CNST: variants seen among roughly 807,000 people sequenced by gnomAD.
The protein encoded by CNST is consortin.
CNST carries 39 observed loss-of-function variants against 72.4 expected under a neutral mutation model. The ratio of observed to expected loss-of-function variants is 0.54; its 90% CI spans 0.42 to 0.70. CNST has a LOEUF of 0.70. Among genes scored for constraint, CNST ranks in the 30% least tolerant of loss-of-function variants. The pLI, the probability that CNST is intolerant of heterozygous loss-of-function variation, is 0.00. For missense variants in CNST, 871 were observed against 868.5 expected, an observed-to-expected ratio of 1.00 and a Z score of -0.04; for synonymous variants, 332 against 320.1, an observed-to-expected ratio of 1.04 and a Z score of -0.40.
At chr1:246,613,168 A>G (rs1487550558) in intron 2 of CNST, among the ~76,000 whole-genome samples, 8 of 152,232 alleles carry the variant, frequency 5.3e-5, no homozygotes, top group African/African-American at 1.9e-4. Flanking sequence ...GAGATAAAGT[A>G]CATCCCAGGA....
At position 246,647,196 on chromosome 1, in the gene CNST, C is replaced by G; in HGVS notation, c.995C>G (p.Pro332Arg). ...SSKESQHTVE[P>R]LGSSPCCHQM... is the part of the protein sequence containing the mutation. ...AAAGAAAGCCAACATACAGTGGAGC[C>G]CCTGGGGAGCAGTCCCTGCTGTCAT... The change falls in exon 9 of 11, where the codon CCC becomes CGC. Residue 332 changes from proline (P) to arginine (R), a missense_variant. Coordinates refer to ENST00000366513, the MANE Select transcript of CNST (RefSeq NM_152609.3). 6.2e-7 allele frequency: 1 copy of G among 1,614,084 alleles called. No homozygotes were observed. Among genetic ancestry groups the G allele is most frequent in the African/African-American group, 1.3e-5 (1 of 75,042 alleles).
chr1:246,578,516 A>G (rs1337831810), intron 1 of CNST, among the ~76,000 whole-genome samples: 2 of 151,840 alleles, frequency 1.3e-5, no homozygotes, highest in Non-Finnish European at 2.9e-5. Flanking sequence ...CTAAACATAC[A>G]AAAAATTAGC....
At chr1:246,588,400 T>C (rs1050092446) in intron 1 of CNST, among the ~76,000 whole-genome samples, 1 of 152,210 alleles carries the variant, frequency 6.6e-6, no homozygotes, top group Non-Finnish European at 1.5e-5. Context: ...ATCTATTTCC[T>C]TCCACAAGTA....
intron 9 of CNST, among the ~76,000 whole-genome samples, chr1:246,657,280 G>C (rs1004309397): frequency 6.6e-6 from 1 of 152,058 alleles, no homozygotes; most frequent in Non-Finnish European, 1.5e-5. Context: ...CATCTCTTAT[G>C]CATAAGCTTG....
Position 246,634,570 on chromosome 1 carries a change from T to G in CNST, c.801T>G (p.Ile267Met). 6.3e-7 allele frequency: 1 copy of G among 1,598,590 alleles called. No individual in the cohort carries two copies. Among genetic ancestry groups the G allele is most frequent in the Non-Finnish European group, 8.5e-7 (1 of 1,171,016 alleles). ...NGEDFERLTKICATHQDPLLS... is the reference protein window; with the variant it reads ...NGEDFERLTKMCATHQDPLLS... ...AAGATTTTGAACGGCTTACGAAAAT[T>G]TGTGCAACACATCAAGAGTAAGTAT... is the stretch of plus-strand genomic sequence containing the variant. Residue 267 changes from isoleucine to methionine, a missense_variant, in exon 6 of 11, where the codon ATT becomes ATG. By Grantham distance (10) the Ile-to-Met change is conservative. Transcript: ENST00000366513.
chr1:246,589,306 T>G (rs904630438), intron 1 of CNST, among the ~76,000 whole-genome samples: 8 of 138,368 alleles, frequency 5.8e-5, no homozygotes, highest in Non-Finnish European at 1.2e-4. Flanking sequence ...GATGTTCCCC[T>G]TCCTGTGTCC....
At chr1:246,574,071 G>C (rs918295423) in intron 1 of CNST, among the ~76,000 whole-genome samples, 8 of 152,028 alleles carry the variant, frequency 5.3e-5, no homozygotes. Context: ...ACTGAGTCTC[G>C]CTCTGTTGCC....
At chr1:246,638,498 T>C (rs1665450206) in intron 6 of CNST, among the ~76,000 whole-genome samples, 1 of 152,178 alleles carries the variant, frequency 6.6e-6, no homozygotes, top group Admixed American at 6.5e-5. Context: ...CCCCGTTCTT[T>C]CCAGATGGAC....
At chr1:246,568,870 A>G (rs932387722) in intron 1 of CNST, among the ~76,000 whole-genome samples, 2 of 152,106 alleles carry the variant, frequency 1.3e-5, no homozygotes, top group African/African-American at 4.8e-5. Flanking sequence ...CGCCTTTAAA[A>G]TACTTTTTTT....
At chr1:246,585,659 A>AT (rs1294688934) in intron 1 of CNST, among the ~76,000 whole-genome samples, 1 of 68,222 alleles carries the variant, frequency 1.5e-5, no homozygotes, top group African/African-American at 7.5e-5. Flanking sequence ...AAAAAAAAAA[A>AT]AAAATATACA....
At chr1:246,648,161 A>G in intron 9 of CNST, 124 bp downstream of exon 9, 1 of 1,441,162 alleles carries the variant, frequency 6.9e-7, no homozygotes, top group Non-Finnish European at 9.1e-7. Flanking sequence ...ATTCTAGTTA[A>G]CGTAAGCTTT....
At chr1:246,616,712 G>A (rs926246759) in intron 2 of CNST, among the ~76,000 whole-genome samples, 8 of 151,988 alleles carry the variant, frequency 5.3e-5, no homozygotes, top group African/African-American at 1.7e-4. Flanking sequence ...ACGCCACCAC[G>A]CCCGGCTAAT....
At chr1:246,607,326 T>C (rs1244289989) in intron 2 of CNST, 1 of 151,960 alleles carries the variant, frequency 6.6e-6, no homozygotes, top group Admixed American at 6.6e-5. Context: ...TACCCAGCAA[T>C]TGGACACATT....
At chr1:246,634,893 G>C (rs1343050525) in intron 6 of CNST, among the ~76,000 whole-genome samples, 1 of 151,838 alleles carries the variant, frequency 6.6e-6, no homozygotes, top group Non-Finnish European at 1.5e-5. Flanking sequence ...AACAGGAAGT[G>C]TCCCTGTCTG....
intron 3 of CNST, among the ~76,000 whole-genome samples, chr1:246,626,451 CTTTTTTTTTT>C (rs74163468): frequency 1.3e-5 from 1 of 79,918 alleles, no homozygotes; most frequent in Non-Finnish European, 2.3e-5. Flanking sequence ...TAGGTTTGTC[CTTTTTTTTTT>C]TTTTTTTTTT....
intron 2 of CNST, among the ~76,000 whole-genome samples, chr1:246,617,451 A>G (rs1663783127): frequency 6.6e-6 from 1 of 152,204 alleles, no homozygotes; most frequent in South Asian, 2.1e-4. Flanking sequence ...CACTCTTGTG[A>G]CCTTTTTCAG....
At chr1:246,584,103 C>T (rs1368074209) in intron 1 of CNST, among the ~76,000 whole-genome samples, 1 of 152,128 alleles carries the variant, frequency 6.6e-6, no homozygotes, top group Non-Finnish European at 1.5e-5. Flanking sequence ...ACCAAGCTCA[C>T]CTAATATTTT....
intron 2 of CNST, among the ~76,000 whole-genome samples, chr1:246,594,720 G>T (rs1029411837): frequency 5.3e-5 from 8 of 152,304 alleles, no homozygotes; most frequent in Non-Finnish European, 1.2e-4. Context: ...AGTGAGCCAA[G>T]ATCCTGCCAC....
At chr1:246,567,057 C>G (rs1175162639) in intron 1 of CNST, among the ~76,000 whole-genome samples, 1 of 145,054 alleles carries the variant, frequency 6.9e-6, no homozygotes, top group African/African-American at 2.5e-5. Context: ...TGGTCCCCCC[C>G]ATCACTACCA....
Sources: allele counts gnomAD v4.1 joint callset (sites outside exome capture counted in the v4.1 genomes callset), GRCh38; gene constraint gnomAD v4.1.1; transcripts MANE v1.5; gene names NCBI Gene and HGNC (gene_info 2026-07-23, HGNC 2026-07-21).